The following UGGT1 variants were observed in gnomAD, a reference collection of about 807,000 sequenced individuals.
The protein encoded by UGGT1 is UDP-glucose glycoprotein glucosyltransferase 1, also known as UDP-glucose:glycoprotein glucosyltransferase 1.
In UGGT1, 107 loss-of-function variants were observed where a neutral mutation model predicts 203.9. The ratio of observed to expected loss-of-function variants is 0.52; its 90% confidence interval spans 0.45 to 0.62. UGGT1 has a LOEUF of 0.62. UGGT1 is among the 20% of genes least tolerant of loss of function. The pLI, the probability that UGGT1 is intolerant of heterozygous loss-of-function variation, is 0.00. For synonymous variants in UGGT1, 628 were observed against 653.5 expected, an observed-to-expected ratio of 0.96 and a Z score of 0.59; for missense variants, 1,673 against 1,867.2, an observed-to-expected ratio of 0.90 and a Z score of 1.92.
chr2:128,138,752 A>T lies in UGGT1; in HGVS notation c.1619A>T (p.Asp540Val). The part of the protein sequence containing the change: ...GFIFVVNDSE[D>V]VDGMQDAGVA... ...ATCTTTGTGGTTAATGACTCTGAAG[A>T]TGTTGATGGGATGCAAGATGCTGGA... Residue 540 changes from aspartate to valine, a missense_variant, in exon 16 of 41, where the codon GAT becomes GTT. Asp to Val is a radical substitution (Grantham distance 152). Around this residue, in one of 4 missense-constraint regions of UGGT1, gnomAD observed 1,073 missense variants for 1,078.7 expected, o/e 0.99. Transcript: ENST00000259253. 1 of 1,614,028 alleles carries T rather than the reference A, an allele frequency of 6.2e-7. No individual in the cohort carries two copies. The highest frequency in any genetic ancestry group is 8.5e-7 in the Non-Finnish European group (1 of 1,180,010).
chr2:128,129,377 C>T (rs1194044093), intron 13 of UGGT1, among the ~76,000 whole-genome samples, 198 bp downstream of exon 13: 2 of 148,700 alleles, frequency 1.3e-5, no homozygotes, highest in Non-Finnish European at 3.0e-5. Flanking sequence ...GTTATTGTTG[C>T]TAATGTGGTT....
At position 128,178,821 on chromosome 2, in the gene UGGT1, A is replaced by G. The variant is rs1281131346; in HGVS notation, c.3815+252A>G. ...CTTTAACGTCACTGTACACATTCAT[A>G]GACTGTACTGTTTACTGCCTGCCAA... On this transcript the variant is annotated intron_variant, in intron 34 of 40. Transcript: ENST00000259253. Among the ~76,000 whole-genome samples the G allele has an allele frequency of 2.0e-5, 3 of 152,216 alleles. No homozygotes were observed. The East Asian group carries it at 5.8e-4, about 29-fold the overall frequency.
At chr2:128,121,124 T>C in intron 9 of UGGT1, 75 bp from the exon 10 acceptor site, 1 of 1,397,680 alleles carries the variant, frequency 7.2e-7, no homozygotes, top group Non-Finnish European at 1.0e-6. Flanking sequence ...GAGTGGGAAG[T>C]AAATTTGGAT....
chr2:128,185,816 A>G (rs1472448598), intron 38 of UGGT1, among the ~76,000 whole-genome samples: 1 of 152,160 alleles, frequency 6.6e-6, no homozygotes, highest in African/African-American at 2.4e-5. Context: ...AACATTCTTT[A>G]CAAGTATCGC....
At chr2:128,154,822 A>C (rs1383086710) in intron 19 of UGGT1, among the ~76,000 whole-genome samples, 1 of 152,168 alleles carries the variant, frequency 6.6e-6, no homozygotes, top group Non-Finnish European at 1.5e-5. Context: ...AATAATGTTT[A>C]AGATTGGGGA....
At chr2:128,154,588 G>A (rs1388459995) in intron 19 of UGGT1, among the ~76,000 whole-genome samples, 2 of 151,960 alleles carry the variant, frequency 1.3e-5, no homozygotes, top group Non-Finnish European at 2.9e-5. Flanking sequence ...AATTTTTATC[G>A]GCATGGTGTG....
chr2:128,094,362 C>G (rs1687008960), intron 1 of UGGT1, among the ~76,000 whole-genome samples: 1 of 152,088 alleles, frequency 6.6e-6, no homozygotes, highest in African/African-American at 2.4e-5. Context: ...CGATGATGTA[C>G]TATTCTGTAA....
rs1277422175 is a variant in UGGT1, at chr2:128,145,929, C to T, written c.1978C>T (p.Leu660=). The T allele has an allele frequency of 1.9e-6, 3 of 1,614,100 alleles. No homozygotes were observed. Among genetic ancestry groups the T allele is most frequent in the South Asian group, 1.1e-5 (1 of 91,078 alleles). The part of the protein sequence containing the change: ...ELETITMHKI[L]ETTTFFQRAV... ...AGAAACCATCACAATGCATAAAATCCTGGAGACCACCACCTTCTTCCAAAG... is the reference window on the plus strand; with the variant it reads ...AGAAACCATCACAATGCATAAAATCTTGGAGACCACCACCTTCTTCCAAAG... The change falls in exon 18 of 41, where the codon CTG becomes TTG. Residue 660 remains leucine, a synonymous_variant. Transcript: ENST00000259253.
intron 9 of UGGT1, 68 bp downstream of exon 9, chr2:128,120,524 A>G: frequency 7.9e-7 from 1 of 1,265,514 alleles, no homozygotes; most frequent in Non-Finnish European, 1.1e-6. Context: ...AAAAATGCAA[A>G]ATTTGAATTT....
At position 128,166,492 on chromosome 2, in the gene UGGT1, C is replaced by T. The variant is rs758543960; in HGVS notation, c.2921+1667C>T. Among the ~76,000 whole-genome samples the T allele has an allele frequency of 3.0e-4, 46 of 152,290 alleles. 1 individual carries two copies. Among genetic ancestry groups the T allele is most frequent in the Admixed American group, 5.2e-4 (8 of 15,300 alleles). On this transcript the variant is annotated intron_variant, in intron 26 of 40. Coordinates refer to ENST00000259253, the MANE Select transcript of UGGT1 (RefSeq NM_020120.4). ...TAAAACACAATTTCTGTTCACATGACTCCAGTATCTTTGTAATGACCTTCT... is the reference window on the plus strand; with the variant it reads ...TAAAACACAATTTCTGTTCACATGATTCCAGTATCTTTGTAATGACCTTCT...
At chr2:128,187,002 C>T (rs748760) in intron 39 of UGGT1, among the ~76,000 whole-genome samples, 3 of 151,842 alleles carry the variant, frequency 2.0e-5, no homozygotes. Context: ...GAATTAGTAT[C>T]GTTTGTTGTA....
intron 5 of UGGT1, among the ~76,000 whole-genome samples, chr2:128,109,958 A>T (rs898304235): frequency 3.9e-5 from 6 of 152,192 alleles, no homozygotes; most frequent in Non-Finnish European, 7.3e-5. Context: ...TCCTAATCTC[A>T]TTTCAAAATG....
intron 14 of UGGT1, among the ~76,000 whole-genome samples, 156 bp from the exon 15 acceptor site, chr2:128,134,716 TAGAG>T (rs1689048973): frequency 6.6e-6 from 1 of 152,118 alleles, no homozygotes; most frequent in Non-Finnish European, 1.5e-5. Flanking sequence ...TTTTTGAACA[TAGAG>T]GGAGGTAGCT....
rs1553436252 is a variant in UGGT1, at chr2:128,126,758, C to CTGTA, written c.1135-601_1135-600insTATG. ...AGTGCAGTGGTGCTATCTCGGCTCA[C>CTGTA]TGCAGCCTCTACCTCCTGGGTTCGA... On this transcript the variant is annotated intron_variant, in intron 11 of 40. Transcript: ENST00000259253. Among the ~76,000 whole-genome samples the CTGTA allele has an allele frequency of 4.1e-3, 614 of 149,018 alleles. 6 individuals carry two copies. The highest frequency in any genetic ancestry group is 0.013 in the African/African-American group (537 of 40,204).
At chr2:128,120,771 A>C (rs777798592) in intron 9 of UGGT1, among the ~76,000 whole-genome samples, 1 of 152,210 alleles carries the variant, frequency 6.6e-6, no homozygotes, top group South Asian at 2.1e-4. Flanking sequence ...GTTTATCTAT[A>C]GAGTGTTTAA....
intron 11 of UGGT1, among the ~76,000 whole-genome samples, chr2:128,127,138 TA>T (rs1372258993): frequency 6.6e-6 from 1 of 152,200 alleles, no homozygotes; most frequent in Admixed American, 6.5e-5. Context: ...AATCGAGAAG[TA>T]AAAATTGCAT....
At chr2:128,187,813 G>GTT (rs371196531) in intron 40 of UGGT1, among the ~76,000 whole-genome samples, 199 bp downstream of exon 40, 38 of 143,054 alleles carry the variant, frequency 2.7e-4, no homozygotes, top group East Asian at 8.0e-4. Flanking sequence ...CAATTGCTAT[G>GTT]TTTTTTTTTT....
chr2:128,178,557 A>G lies in UGGT1; in HGVS notation c.3803A>G (p.Glu1268Gly). ...TCCGTTGCATCTGGTCATCTCTACG[A>G]AAGATTTCTTCGGTCAGTCTTGTTG... is the stretch of plus-strand genomic sequence containing the variant. ...IFSVASGHLYERFLRIMMLSV... is the reference protein window; with the variant it reads ...IFSVASGHLYGRFLRIMMLSV... The change falls in exon 34 of 41, where the codon GAA becomes GGA. Residue 1268 changes from glutamate to glycine, a missense_variant. This residue lies in a region of UGGT1 where 513 missense variants were observed against 684.1 expected (regional missense o/e 0.75). Transcript: ENST00000259253. 1 of 1,612,280 alleles carries G rather than the reference A, an allele frequency of 6.2e-7. No individual in the cohort carries two copies. Among genetic ancestry groups the G allele is most frequent in the Non-Finnish European group, 8.5e-7 (1 of 1,179,680 alleles).
chr2:128,145,051 C>T (rs899625682), intron 17 of UGGT1, among the ~76,000 whole-genome samples: 1 of 152,186 alleles, frequency 6.6e-6, no homozygotes, highest in Non-Finnish European at 1.5e-5. Context: ...CAGTGAACCT[C>T]TTTTGTCCTG....
Sources: gnomAD v4.1 joint callset for allele counts (sites outside exome capture counted in the v4.1 genomes callset) on GRCh38, gnomAD v4.1.1 for gene constraint, gnomAD v4.1.1 regional missense constraint, MANE v1.5 for transcripts, NCBI Gene and HGNC (gene_info 2026-07-23, HGNC 2026-07-21) for gene names.